Variants in SH3KBP1 observed in about 807,000 individuals in gnomAD.
SH3KBP1 encodes the protein SH3 domain containing kinase binding protein 1.
SH3KBP1 carries 8 observed loss-of-function variants against 50.1 expected under a neutral mutation model. That is an observed-to-expected ratio of 0.16 (90% CI 0.09 to 0.29). SH3KBP1 has a LOEUF of 0.29. SH3KBP1 is among the 10% of genes least tolerant of loss of function. SH3KBP1 has a pLI of 1.00. For synonymous variants in SH3KBP1, 227 were observed against 218.6 expected, an observed-to-expected ratio of 1.04 and a Z score of -0.34; for missense variants, 377 against 535.2, an observed-to-expected ratio of 0.70 and a Z score of 2.92.
intron 3 of SH3KBP1, among the ~76,000 whole-genome samples, chrX:19,725,347 G>A (rs948875461): frequency 1.8e-5 from 2 of 108,590 alleles, no homozygotes. Flanking sequence ...GCACACACCT[G>A]TAGTCCCAGC....
At chrX:19,659,519 C>T (rs1445426839) in intron 6 of SH3KBP1, among the ~76,000 whole-genome samples, 4 of 111,526 alleles carry the variant, frequency 3.6e-5, no homozygotes, top group Non-Finnish European at 5.7e-5. Context: ...CTTCCCACCT[C>T]GGCCTCCCAA....
intron 8 of SH3KBP1, among the ~76,000 whole-genome samples, chrX:19,625,918 G>T (rs2068004127): frequency 8.9e-6 from 1 of 111,864 alleles, no homozygotes. Context: ...CCACTGACTT[G>T]CTGGGAGTCC....
intron 2 of SH3KBP1, among the ~76,000 whole-genome samples, chrX:19,764,747 C>G (rs770377430): frequency 9.1e-6 from 1 of 109,743 alleles, no homozygotes; most frequent in East Asian, 2.8e-4. Flanking sequence ...AAGATGGCCA[C>G]TGCTACCTAG....
At chrX:19,707,382 G>A (rs1295168603) in intron 3 of SH3KBP1, among the ~76,000 whole-genome samples, 2 of 112,156 alleles carry the variant, frequency 1.8e-5, no homozygotes, top group South Asian at 3.7e-4. Context: ...TCTAATGCTA[G>A]CAAGGCAGAG....
intron 15 of SH3KBP1, 141 bp from the exon 16 acceptor site, chrX:19,542,334 G>A (rs1411106500): frequency 1.8e-6 from 1 of 565,475 alleles, no homozygotes; most frequent in Non-Finnish European, 2.6e-6. Context: ...TCATCCACAA[G>A]CCACCAAGGG....
chrX:19,537,822 T>A, intron 16 of SH3KBP1, 42 bp from the exon 17 acceptor site: 2 of 1,069,298 alleles, frequency 1.9e-6, no homozygotes, highest in Non-Finnish European at 2.6e-6. Context: ...AATCCCAGAC[T>A]TCCTTCATCA....
intron 1 of SH3KBP1, among the ~76,000 whole-genome samples, chrX:19,871,170 C>T (rs1474407996): frequency 8.9e-6 from 1 of 112,296 alleles, no homozygotes; most frequent in Non-Finnish European, 1.9e-5. Flanking sequence ...CAAACAAACA[C>T]CCTTTGGTTT....
chrX:19,779,540 T>C (rs2066096789), intron 2 of SH3KBP1, among the ~76,000 whole-genome samples: 1 of 98,358 alleles, frequency 1.0e-5, no homozygotes, highest in African/African-American at 3.7e-5. Context: ...ACTCGTCATC[T>C]AGCATTAGGT....
At chrX:19,539,592 T>C (rs1220283271) in intron 16 of SH3KBP1, among the ~76,000 whole-genome samples, 1 of 111,532 alleles carries the variant, frequency 9.0e-6, no homozygotes, top group Admixed American at 9.5e-5. Context: ...AGTCACTAAG[T>C]CTTGAACTAG....
intron 1 of SH3KBP1, among the ~76,000 whole-genome samples, chrX:19,884,740 A>T (rs1290452386): frequency 2.7e-5 from 3 of 111,753 alleles, no homozygotes; most frequent in Non-Finnish European, 5.6e-5. Context: ...TTCACTACTC[A>T]CAGATTTGGG....
At chrX:19,621,188 C>A (rs2067819081) in intron 8 of SH3KBP1, among the ~76,000 whole-genome samples, 1 of 103,950 alleles carries the variant, frequency 9.6e-6, no homozygotes, top group African/African-American at 3.5e-5. Flanking sequence ...CATTCTCCTG[C>A]CTCAGCCTTC....
At chrX:19,670,394 G>A (rs1569406663) in intron 6 of SH3KBP1, 1 of 750,763 alleles carries the variant, frequency 1.3e-6, no homozygotes, top group Non-Finnish European at 1.6e-6. Flanking sequence ...GCTCTGCATG[G>A]ACATACCCTT....
chrX:19,624,512 C>T (rs6527940), intron 8 of SH3KBP1, among the ~76,000 whole-genome samples: 25,764 of 110,695 alleles, frequency 0.23, 3,043 homozygotes, highest in African/African-American at 0.45. Context: ...TCTATAATAA[C>T]GACCATCAAA....
intron 6 of SH3KBP1, among the ~76,000 whole-genome samples, chrX:19,653,815 GCTT>G (rs2062200113): frequency 5.9e-5 from 5 of 84,064 alleles, no homozygotes; most frequent in Admixed American, 1.4e-4. Context: ...CACACACACA[GCTT>G]CTTAACAGCT....
chrX:19,653,189 T>C (rs977013143), intron 6 of SH3KBP1, among the ~76,000 whole-genome samples: 1 of 111,406 alleles, frequency 9.0e-6, no homozygotes, highest in Admixed American at 9.5e-5. Context: ...AGTCACTATG[T>C]TGCCCAGGCT....
At chrX:19,831,764 C>G (rs1289633979) in intron 2 of SH3KBP1, among the ~76,000 whole-genome samples, 1 of 51,241 alleles carries the variant, frequency 2.0e-5, no homozygotes, top group African/African-American at 8.5e-5. Flanking sequence ...GCACTCCAGC[C>G]TCAACAACAA....
chrX:19,861,641 T>C (rs756037199), intron 1 of SH3KBP1, among the ~76,000 whole-genome samples: 1 of 111,498 alleles, frequency 9.0e-6, no homozygotes, highest in Admixed American at 9.5e-5. Flanking sequence ...TTTCACATTA[T>C]TAACTGAAGG....
At chrX:19,783,326 T>C (rs1171316234) in intron 2 of SH3KBP1, among the ~76,000 whole-genome samples, 1 of 112,312 alleles carries the variant, frequency 8.9e-6, no homozygotes, top group African/African-American at 3.2e-5. Context: ...TTTCAATACA[T>C]ATATACAATG....
chrX:19,573,490 T>G (rs1230907166), intron 12 of SH3KBP1, among the ~76,000 whole-genome samples: 1 of 111,665 alleles, frequency 9.0e-6, no homozygotes, highest in African/African-American at 3.3e-5. Flanking sequence ...TTTCACCATG[T>G]TGGCCAGGAT....
Sources: allele counts gnomAD v4.1 joint callset (sites outside exome capture counted in the v4.1 genomes callset), GRCh38; gene constraint gnomAD v4.1.1; transcripts MANE v1.5; gene names NCBI Gene and HGNC (gene_info 2026-07-23, HGNC 2026-07-21).